The following MTCL1 variants were observed in gnomAD, a reference collection of about 807,000 sequenced individuals.
MTCL1 encodes the protein microtubule crosslinking factor 1, also known as microtubule cross-linking factor 1.
In MTCL1, 79 loss-of-function variants were observed where a neutral mutation model predicts 141.4. That is an observed-to-expected ratio of 0.56 (90% confidence interval 0.47 to 0.67). The LOEUF (loss-of-function observed/expected upper bound fraction) is 0.67. MTCL1 is among the 30% of genes least tolerant of loss of function. The pLI, the probability that MTCL1 is intolerant of heterozygous loss-of-function variation, is 0.00. For missense variants in MTCL1, 2,177 were observed against 2,113.9 expected (o/e 1.03, Z -0.59); for synonymous variants, 914 against 875.8 (o/e 1.04, Z -0.77).
chr18:8,825,575 T>G (rs745703350), exon 15 of MTCL1: 2 of 1,613,448 alleles, frequency 1.2e-6, no homozygotes, highest in Admixed American at 3.3e-5. Flanking sequence ...GGGGCGGTGC[T>G]ACACCCGTGT....
At chr18:8,740,032 A>G (rs1039244597) in intron 4 of MTCL1, among the ~76,000 whole-genome samples, 7 of 152,326 alleles carry the variant, frequency 4.6e-5, no homozygotes, top group African/African-American at 1.7e-4. Flanking sequence ...CGCCCAGCCA[A>G]GGAGATTGTA....
chr18:8,720,836 GATGAGCT>G (rs2096166439), intron 4 of MTCL1, among the ~76,000 whole-genome samples: 1 of 150,778 alleles, frequency 6.6e-6, no homozygotes, highest in African/African-American at 2.4e-5. Context: ...TTACCACTCA[GATGAGCT>G]GACCATTAAT....
chr18:8,718,461 T>A (rs1264781800), exon 3 of MTCL1: 1 of 1,614,192 alleles, frequency 6.2e-7, no homozygotes, highest in East Asian at 2.2e-5. Flanking sequence ...ATGGAAGAGA[T>A]GAGAGACAGT....
chr18:8,730,566 C>T (rs996920221), intron 4 of MTCL1, among the ~76,000 whole-genome samples: 10 of 152,152 alleles, frequency 6.6e-5, no homozygotes, highest in Non-Finnish European at 1.0e-4. Context: ...TAAGCGAAGC[C>T]GCTTCTGTTC....
chr18:8,807,071 C>A lies in MTCL1; in HGVS notation c.2604+11C>A. ...TGCCGTCTGGAACAGGTACCACCCT[C>A]CCAGGTCTCCCTCGATCCTGACTGT... On this transcript the variant is annotated intron_variant, in intron 11 of 16. Coordinates refer to ENST00000359865, the Ensembl canonical transcript of MTCL1. 6.2e-7 allele frequency: 1 copy of A among 1,608,914 alleles called. No individual in the cohort carries two copies. The highest frequency in any genetic ancestry group is 8.5e-7 in the Non-Finnish European group (1 of 1,177,340).
chr18:8,786,346 T>G, intron 7 of MTCL1: 1 of 678,726 alleles, frequency 1.5e-6, no homozygotes, highest in Non-Finnish European at 2.7e-6. Context: ...ACCTCCTGTT[T>G]CCGCAGACCG....
At chr18:8,777,246 AAAC>A (rs752719576) in intron 4 of MTCL1, among the ~76,000 whole-genome samples, 11 of 152,282 alleles carry the variant, frequency 7.2e-5, no homozygotes, top group East Asian at 3.9e-4. Context: ...CTCAAATAAA[AAAC>A]AACAACAACA....
At chr18:8,765,434 C>T (rs535166341) in intron 4 of MTCL1, among the ~76,000 whole-genome samples, 3 of 152,296 alleles carry the variant, frequency 2.0e-5, no homozygotes, top group East Asian at 3.9e-4. Flanking sequence ...GTTGCGTGTG[C>T]GCCAGAGGCA....
intron 4 of MTCL1, among the ~76,000 whole-genome samples, chr18:8,771,745 T>C (rs1032605716): frequency 6.6e-6 from 1 of 152,246 alleles, no homozygotes; most frequent in Non-Finnish European, 1.5e-5. Flanking sequence ...CAGCTTTAGA[T>C]GGATTCAATT....
chr18:8,824,047 C>A (rs898912588), intron 14 of MTCL1, among the ~76,000 whole-genome samples: 16 of 152,202 alleles, frequency 1.1e-4, no homozygotes, highest in South Asian at 2.1e-4. Context: ...TGGAGGGATT[C>A]CAGGCCAAAG....
At chr18:8,784,947 G>A in intron 6 of MTCL1, 104 bp downstream of exon 5, 2 of 1,083,584 alleles carry the variant, frequency 1.8e-6, no homozygotes, top group Non-Finnish European at 2.6e-6. Context: ...GCTTGGTTAT[G>A]ATTTCAAACC....
intron 4 of MTCL1, among the ~76,000 whole-genome samples, chr18:8,774,254 A>ATGTG (rs138724389): frequency 0.022 from 3,249 of 150,118 alleles, 123 homozygotes; most frequent in African/African-American, 0.076. Flanking sequence ...CTCTTTTCGA[A>ATGTG]TGTGTGTGTG....
intron 11 of MTCL1, chr18:8,812,730 C>T (rs1438332585): frequency 1.9e-5 from 9 of 467,598 alleles, no homozygotes; most frequent in Non-Finnish European, 3.8e-6. Context: ...ATAGTGGTGA[C>T]TTAGACTAGG....
intron 16 of MTCL1, 168 bp from the exon 15 acceptor site, chr18:8,831,436 TTTA>T (rs2077188385): frequency 1.5e-5 from 21 of 1,429,054 alleles, no homozygotes; most frequent in Non-Finnish European, 1.8e-5. Context: ...TGTTGAATTC[TTTA>T]TTATTTTAAG....
At chr18:8,792,999 T>C in exon 8 of MTCL1, 4 of 1,613,802 alleles carry the variant, frequency 2.5e-6, no homozygotes, top group Non-Finnish European at 3.4e-6. Flanking sequence ...ACCGATCAGC[T>C]CAGGGGCCCC....
At chr18:8,721,627 C>T (rs980695398) in intron 4 of MTCL1, among the ~76,000 whole-genome samples, 1 of 152,178 alleles carries the variant, frequency 6.6e-6, no homozygotes, top group Non-Finnish European at 1.5e-5. Context: ...TGCTGAGATT[C>T]ACTCAGCCCC....
chr18:8,792,207 T>A (rs921096520), intron 7 of MTCL1, among the ~76,000 whole-genome samples: 3 of 152,256 alleles, frequency 2.0e-5, no homozygotes, highest in Non-Finnish European at 2.9e-5. Flanking sequence ...AATGTCATGC[T>A]TACATTTCGA....
intron 12 of MTCL1, among the ~76,000 whole-genome samples, chr18:8,813,591 T>C (rs2076558781): frequency 6.6e-6 from 1 of 152,200 alleles, no homozygotes; most frequent in Non-Finnish European, 1.5e-5. Context: ...GAAAACAAAC[T>C]ATAACTTTTA....
intron 7 of MTCL1, chr18:8,786,863 G>A (rs777189460): frequency 5.7e-5 from 9 of 157,768 alleles, no homozygotes; most frequent in African/African-American, 7.2e-5. Flanking sequence ...GTCACAGCCC[G>A]CCTAGTCAGG....
Sources: allele counts gnomAD v4.1 joint callset (sites outside exome capture counted in the v4.1 genomes callset), GRCh38; gene constraint gnomAD v4.1.1; transcripts MANE v1.5; gene names NCBI Gene and HGNC (gene_info 2026-07-23, HGNC 2026-07-21).